The following BRINP3 variants were observed in gnomAD, a reference collection of about 807,000 sequenced individuals.
The protein encoded by BRINP3 is BMP/retinoic acid inducible neural specific 3, also known as BMP/retinoic acid-inducible neural-specific protein 3.
Under a neutral mutation model 71.0 loss-of-function variants are expected in BRINP3, and 19 were observed. The observed-to-expected ratio is 0.27, with a 90% CI of 0.19 to 0.39. The LOEUF is 0.39. Ranked by LOEUF, BRINP3 falls within the 10% of genes least tolerant of loss-of-function variation. The pLI is 1.00. For synonymous variants in BRINP3, 380 were observed against 337.7 expected (o/e 1.13, Z -1.37); for missense variants, 959 against 940.8 (o/e 1.02, Z -0.25).
intron 2 of BRINP3, among the ~76,000 whole-genome samples, chr1:190,341,776 G>T (rs1330319264): frequency 6.6e-6 from 1 of 151,730 alleles, no homozygotes; most frequent in African/African-American, 2.4e-5. Flanking sequence ...CACAGACACA[G>T]ACATATATAT....
chr1:190,192,477 T>G (rs1654121480), intron 6 of BRINP3, among the ~76,000 whole-genome samples: 1 of 151,964 alleles, frequency 6.6e-6, no homozygotes, highest in African/African-American at 2.4e-5. Flanking sequence ...TGTTATATGT[T>G]CCATGAACCA....
intron 4 of BRINP3, among the ~76,000 whole-genome samples, chr1:190,256,975 T>C (rs1396521207): frequency 6.6e-6 from 1 of 152,162 alleles, no homozygotes; most frequent in Non-Finnish European, 1.5e-5. Context: ...TTGTGGTTGC[T>C]CTTCTAGAGG....
At chr1:190,099,987 T>G (rs1022245359) in intron 7 of BRINP3, among the ~76,000 whole-genome samples, 1 of 152,168 alleles carries the variant, frequency 6.6e-6, no homozygotes, top group Admixed American at 6.5e-5. Context: ...AGCAATGGCC[T>G]TGTAATAACA....
intron 3 of BRINP3, among the ~76,000 whole-genome samples, chr1:190,269,365 G>A (rs1330276136): frequency 6.6e-6 from 1 of 151,820 alleles, no homozygotes; most frequent in Non-Finnish European, 1.5e-5. Flanking sequence ...TACAAAGGAA[G>A]GAAATAATTC....
intron 2 of BRINP3, among the ~76,000 whole-genome samples, chr1:190,329,249 A>T (rs1053360767): frequency 3.3e-5 from 5 of 151,994 alleles, no homozygotes; most frequent in African/African-American, 1.2e-4. Context: ...TTTGCAGACA[A>T]TGTGATGATT....
chr1:190,251,561 G>A (rs1019365021), intron 4 of BRINP3, among the ~76,000 whole-genome samples: 8 of 151,830 alleles, frequency 5.3e-5, no homozygotes, highest in Middle Eastern at 3.4e-3. Context: ...TGAACCAAGG[G>A]GTATGTACAA....
intron 4 of BRINP3, among the ~76,000 whole-genome samples, chr1:190,251,589 G>C (rs1660146537): frequency 6.6e-6 from 1 of 151,914 alleles, no homozygotes; most frequent in Admixed American, 6.6e-5. Flanking sequence ...AGAGAAATGA[G>C]AAATAAGGAG....
chr1:190,448,477 GT>G (rs1675384397), intron 2 of BRINP3, among the ~76,000 whole-genome samples: 1 of 151,272 alleles, frequency 6.6e-6, no homozygotes. Flanking sequence ...GTGTGTGTGT[GT>G]GTGTGTGTGT....
intron 2 of BRINP3, among the ~76,000 whole-genome samples, chr1:190,326,421 G>A (rs1320311139): frequency 6.6e-6 from 1 of 152,044 alleles, no homozygotes; most frequent in Non-Finnish European, 1.5e-5. Flanking sequence ...TCTTGCTAGA[G>A]AGGTAGACAG....
chr1:190,365,806 G>GTATATATATATATATA (rs66540359), intron 2 of BRINP3, among the ~76,000 whole-genome samples: 5 of 127,870 alleles, frequency 3.9e-5, no homozygotes, highest in African/African-American at 1.4e-4. Context: ...GAGAGCAAGT[G>GTATATATATATATATA]TATATATATA....
At chr1:190,229,534 C>T (rs2102716215) in intron 5 of BRINP3, among the ~76,000 whole-genome samples, 1 of 151,654 alleles carries the variant, frequency 6.6e-6, no homozygotes. Flanking sequence ...AGAGTTCTGC[C>T]CAGAACAAAG....
intron 2 of BRINP3, among the ~76,000 whole-genome samples, chr1:190,297,112 A>C (rs1192008364): frequency 1.3e-5 from 2 of 152,000 alleles, no homozygotes; most frequent in African/African-American, 4.8e-5. Context: ...TATTAAAAAA[A>C]CCCCAGCAAA....
At chr1:190,431,216 C>T (rs544188151) in intron 2 of BRINP3, among the ~76,000 whole-genome samples, 1 of 151,964 alleles carries the variant, frequency 6.6e-6, no homozygotes, top group South Asian at 2.1e-4. Context: ...ATGGCTATTG[C>T]TTAATTAATT....
At chr1:190,222,355 CA>C (rs1342984570) in intron 6 of BRINP3, among the ~76,000 whole-genome samples, 2 of 150,660 alleles carry the variant, frequency 1.3e-5, no homozygotes, top group African/African-American at 4.9e-5. Flanking sequence ...TTAAAAAAAA[CA>C]AATGAAAACA....
At chr1:190,099,819 G>T (rs920651823) in intron 7 of BRINP3, among the ~76,000 whole-genome samples, 4 of 152,142 alleles carry the variant, frequency 2.6e-5, no homozygotes, top group African/African-American at 9.7e-5. Context: ...CCTTCAATAA[G>T]GGGTAAGTGT....
intron 2 of BRINP3, among the ~76,000 whole-genome samples, chr1:190,318,947 C>T (rs953276741): frequency 6.6e-6 from 1 of 152,022 alleles, no homozygotes; most frequent in African/African-American, 2.4e-5. Context: ...ATATTTCATT[C>T]TATCTTTCAC....
intron 2 of BRINP3, among the ~76,000 whole-genome samples, chr1:190,337,773 A>G (rs1167659731): frequency 6.6e-6 from 1 of 152,044 alleles, no homozygotes; most frequent in Admixed American, 6.6e-5. Context: ...GCTCCCTTTC[A>G]TATATACACC....
intron 4 of BRINP3, among the ~76,000 whole-genome samples, chr1:190,260,260 A>G (rs1289898028): frequency 6.6e-6 from 1 of 151,976 alleles, no homozygotes; most frequent in African/African-American, 2.4e-5. Context: ...ATATTGTATC[A>G]CCTAGTGGAA....
At chr1:190,212,791 T>C (rs1656096362) in intron 6 of BRINP3, among the ~76,000 whole-genome samples, 1 of 152,108 alleles carries the variant, frequency 6.6e-6, no homozygotes, top group South Asian at 2.1e-4. Flanking sequence ...AAGATAGTGA[T>C]GTTTCCATCA....
Sources: gnomAD v4.1 joint callset for allele counts (sites outside exome capture counted in the v4.1 genomes callset) on GRCh38, gnomAD v4.1.1 for gene constraint, MANE v1.5 for transcripts, NCBI Gene and HGNC (gene_info 2026-07-23, HGNC 2026-07-21) for gene names.